The following RYR3 variants were observed in gnomAD, a reference collection of about 807,000 sequenced individuals.
RYR3 encodes the protein ryanodine receptor 3.
RYR3 carries 207 observed loss-of-function variants against 584.3 expected under a neutral mutation model. That is an observed-to-expected ratio of 0.35 (90% confidence interval 0.32 to 0.40). The LOEUF is 0.40. RYR3 is among the 10% of genes least tolerant of loss of function. RYR3 has a pLI of 1.00. For missense variants in RYR3, 5,616 were observed against 6,089.2 expected, an observed-to-expected ratio of 0.92 and a Z score of 2.59; for synonymous variants, 2,416 against 2,248.5, an observed-to-expected ratio of 1.07 and a Z score of -2.11.
At chr15:33,603,620 G>A (rs1050119983) in intron 18 of RYR3, among the ~76,000 whole-genome samples, 3 of 152,118 alleles carry the variant, frequency 2.0e-5, no homozygotes, top group African/African-American at 4.8e-5. Context: ...CTTATTGTAC[G>A]GAATCGTTAG....
intron 5 of RYR3, among the ~76,000 whole-genome samples, chr15:33,536,210 A>C (rs2055317125): frequency 2.0e-5 from 3 of 152,180 alleles, no homozygotes; most frequent in Admixed American, 2.0e-4. Context: ...TAAACTGCCC[A>C]GTAGTGGAGT....
chr15:33,387,989 C>G (rs1157133657), intron 1 of RYR3, among the ~76,000 whole-genome samples: 2 of 152,018 alleles, frequency 1.3e-5, no homozygotes, highest in Non-Finnish European at 2.9e-5. Context: ...CACTAAAAAA[C>G]AAGAATGAAG....
chr15:33,861,002 C>A (rs184235909), intron 101 of RYR3, 76 bp from the exon 102 acceptor site: 1 of 1,135,516 alleles, frequency 8.8e-7, no homozygotes, highest in South Asian at 1.3e-5. Context: ...TCCTTCAATT[C>A]GATAGAATCA....
At chr15:33,517,540 G>A (rs1241208036) in intron 3 of RYR3, among the ~76,000 whole-genome samples, 1 of 152,134 alleles carries the variant, frequency 6.6e-6, no homozygotes, top group African/African-American at 2.4e-5. Flanking sequence ...CCAAAATACA[G>A]TCGTCGTTTT....
chr15:33,471,300 G>T (rs1163144575), intron 1 of RYR3, among the ~76,000 whole-genome samples: 1 of 152,172 alleles, frequency 6.6e-6, no homozygotes, highest in Non-Finnish European at 1.5e-5. Context: ...ACCCATCTGT[G>T]TGTCACCAGA....
Position 33,865,408 on chromosome 15 carries a change from A to ACACTGTGGGAGAGAACCTGTCAAAATGT in RYR3, c.*184_*211dup, listed in dbSNP as rs1890171360. ...TTGGCTTTTTGTGCCTAATGGACAT[A>ACACTGTGGGAGAGAACCTGTCAAAATGT]CACTGTGGGAGAGAACCTGTCAAAA... On this transcript the variant is annotated 3_prime_UTR_variant, in exon 104 of 104. Coordinates refer to ENST00000634891, the MANE Select transcript of RYR3 (RefSeq NM_001036.6). 1.8e-6 allele frequency: 1 copy of ACACTGTGGGAGAGAACCTGTCAAAATGT among 570,280 alleles called. No homozygotes were observed. The highest frequency in any genetic ancestry group is 2.9e-5 in the East Asian group (1 of 35,084). 35.3% of individuals were successfully genotyped at this position (570,280 alleles called of 1,614,324 possible).
In RYR3 at chr15:33,848,160, G is replaced by A; in HGVS notation, c.13498-131G>A. ...TCATTTGGCTTTGATCCCACAACTA[G>A]GCACTCTAAGAATTCCACTATAAGG... is the stretch of plus-strand genomic sequence containing the variant. On this transcript the variant is annotated intron_variant, in intron 93 of 103. Coordinates refer to ENST00000634891, the MANE Select transcript of RYR3 (RefSeq NM_001036.6). 3 of 1,113,054 alleles carry A rather than the reference G, an allele frequency of 2.7e-6. 1 individual carries two copies. The highest frequency in any genetic ancestry group is 4.0e-6 in the Non-Finnish European group (3 of 759,128). The allele number at this position is 1,113,054 out of a possible 1,614,324, so 68.9% of individuals were successfully genotyped here. A position where few individuals can be genotyped will look rare whatever the true frequency, so the allele number is the denominator to read the frequency against.
At chr15:33,467,252 C>T (rs146780977) in intron 1 of RYR3, among the ~76,000 whole-genome samples, 2,586 of 152,300 alleles carry the variant, frequency 0.017, 28 homozygotes, top group Non-Finnish European at 0.023. Context: ...GCACTCTGTC[C>T]CACGTGCTCC....
chr15:33,455,758 A>G (rs907399002), intron 1 of RYR3, among the ~76,000 whole-genome samples: 3 of 152,168 alleles, frequency 2.0e-5, no homozygotes, highest in Non-Finnish European at 4.4e-5. Flanking sequence ...CCTGGAAGAA[A>G]AAAGTATTAG....
intron 3 of RYR3, among the ~76,000 whole-genome samples, chr15:33,523,890 C>T (rs1463421151): frequency 1.3e-5 from 2 of 151,940 alleles, no homozygotes; most frequent in African/African-American, 2.4e-5. Context: ...GCCTCTCTAG[C>T]GTTTCCGTGT....
At chr15:33,691,793 T>C (rs968408328) in intron 38 of RYR3, among the ~76,000 whole-genome samples, 11 of 152,224 alleles carry the variant, frequency 7.2e-5, no homozygotes, top group African/African-American at 2.7e-4. Flanking sequence ...ATTCAGGACA[T>C]CCTTCTGTGA....
chr15:33,843,353 C>A, intron 91 of RYR3, 135 bp from the exon 92 acceptor site: 2 of 624,938 alleles, frequency 3.2e-6, no homozygotes, highest in East Asian at 2.9e-5. Flanking sequence ...CCAGGGTTAC[C>A]CTAGAAGAGT....
chr15:33,504,774 C>T (rs1259208477), intron 3 of RYR3, among the ~76,000 whole-genome samples: 3 of 152,144 alleles, frequency 2.0e-5, no homozygotes, highest in Admixed American at 2.0e-4. Flanking sequence ...CATCGAATTC[C>T]TCTCTCTGCC....
chr15:33,815,870 A>T, intron 74 of RYR3: 1 of 398,622 alleles, frequency 2.5e-6, no homozygotes. Context: ...GCACCTTTCA[A>T]CAAGTTTGGC....
At chr15:33,520,601 C>T (rs974745568) in intron 3 of RYR3, among the ~76,000 whole-genome samples, 2 of 151,710 alleles carry the variant, frequency 1.3e-5, no homozygotes, top group South Asian at 2.1e-4. Context: ...GGGAATAATT[C>T]GGAAAAAAAA....
chr15:33,586,761 A>G (rs1451612654), intron 16 of RYR3, among the ~76,000 whole-genome samples: 1 of 152,176 alleles, frequency 6.6e-6, no homozygotes, highest in Non-Finnish European at 1.5e-5. Flanking sequence ...TAACATCTCT[A>G]TTTTTATGAA....
chr15:33,843,354 C>A lies in RYR3; in HGVS notation c.13210-134C>A, dbSNP rs557061642. 4.8e-6 allele frequency: 3 copies of A among 629,942 alleles called. No individual in the cohort carries two copies. In the African/African-American group the frequency reaches 5.5e-5, roughly 12 times the overall value. The allele number at this position is 629,942 out of a possible 1,614,324, so 39.0% of individuals were successfully genotyped here. On this transcript the variant is annotated intron_variant, in intron 91 of 103. Coordinates refer to ENST00000634891, the MANE Select transcript of RYR3 (RefSeq NM_001036.6). The stretch of plus-strand genomic sequence containing the variant: ...GAAAGAAAAGAATGCCAGGGTTACC[C>A]TAGAAGAGTGGTCATCAAAGAGTAG...
At chr15:33,312,263 C>T (rs954909677) in intron 1 of RYR3, among the ~76,000 whole-genome samples, 1 of 152,144 alleles carries the variant, frequency 6.6e-6, no homozygotes, top group African/African-American at 2.4e-5. Context: ...TCACAACTTA[C>T]CTCTTGTCCA....
chr15:33,645,884 G>T (rs184426253), intron 28 of RYR3, among the ~76,000 whole-genome samples: 324 of 152,258 alleles, frequency 2.1e-3, no homozygotes, highest in Admixed American at 4.4e-3. Context: ...GAGCTGGGCT[G>T]GGTGGGGAGG....
Sources: allele counts gnomAD v4.1 joint callset (sites outside exome capture counted in the v4.1 genomes callset), GRCh38; gene constraint gnomAD v4.1.1; transcripts MANE v1.5; gene names NCBI Gene and HGNC (gene_info 2026-07-23, HGNC 2026-07-21).